OSTC: variants seen among roughly 807,000 people sequenced by gnomAD.
The protein encoded by OSTC is oligosaccharyltransferase complex subunit OSTC.
A neutral mutation model predicts 16.4 loss-of-function variants in OSTC; 16 were observed. That is an observed-to-expected ratio of 0.98 (90% CI 0.66 to 1.49). The LOEUF (loss-of-function observed/expected upper bound fraction) is 1.49, where lower values mean the gene tolerates loss of function less well. Ranked by LOEUF, OSTC falls within the 40% of genes most tolerant of loss-of-function variation. The pLI is 0.00. For missense variants in OSTC, 139 were observed against 186.3 expected (o/e 0.75, Z 1.48); for synonymous variants, 67 against 68.5 (o/e 0.98, Z 0.11).
At chr4:108,660,139 G>C (rs1470489807) in intron 3 of OSTC, among the ~76,000 whole-genome samples, 1 of 152,166 alleles carries the variant, frequency 6.6e-6, no homozygotes, top group East Asian at 1.9e-4. Context: ...AGGCTAGTAT[G>C]TAACACCGTT....
chr4:108,656,826 G>A (rs1004324399), intron 2 of OSTC, among the ~76,000 whole-genome samples: 4 of 152,236 alleles, frequency 2.6e-5, no homozygotes, highest in Admixed American at 6.5e-5. Context: ...TAGACCGGGC[G>A]CAGTGGCTCA....
At chr4:108,650,822 C>T in intron 1 of OSTC, 28 bp downstream of exon 1, 1 of 1,613,808 alleles carries the variant, frequency 6.2e-7, no homozygotes, top group African/African-American at 1.3e-5. Flanking sequence ...GCCCGAGAGG[C>T]TGAGGAGCGG....
chr4:108,652,957 T>C (rs1281652970), intron 1 of OSTC, among the ~76,000 whole-genome samples: 2 of 152,150 alleles, frequency 1.3e-5, no homozygotes, highest in Admixed American at 6.5e-5. Context: ...GAGAATTGCT[T>C]GTACCCGGGA....
At chr4:108,661,598 C>A (rs559168932) in intron 3 of OSTC, among the ~76,000 whole-genome samples, 4 of 152,046 alleles carry the variant, frequency 2.6e-5, no homozygotes, top group Non-Finnish European at 4.4e-5. Context: ...TTTTTCTTTT[C>A]TTTTCTTTTT....
chr4:108,656,163 C>T (rs953963366), intron 2 of OSTC, among the ~76,000 whole-genome samples: 3 of 152,058 alleles, frequency 2.0e-5, no homozygotes, highest in African/African-American at 7.2e-5. Context: ...ATTTTTGAGA[C>T]TTTGAGGGTT....
rs374010582 is a variant in OSTC, at chr4:108,657,485, C to T, written c.269C>T (p.Ser90Phe). 2 of 1,613,530 alleles carry T rather than the reference C, an allele frequency of 1.2e-6. No individual in the cohort carries two copies. The highest frequency in any genetic ancestry group is 1.7e-6 in the Non-Finnish European group (2 of 1,179,586). ...NGQYIMEGLA[S>F]SFLFTMGGLG... ...CAATATATTATGGAAGGACTTGCAT[C>T]CAGCTTCCTATTTACAATGGGAGGT... is the stretch of plus-strand genomic sequence containing the variant. The change falls in exon 3 of 4, where the codon TCC becomes TTC. Residue 90 changes from serine (S) to phenylalanine (F), a missense_variant. Physicochemically the swap from Ser to Phe is radical, Grantham distance 155. Coordinates refer to ENST00000361564, the MANE Select transcript of OSTC (RefSeq NM_021227.4).
intron 1 of OSTC, chr4:108,651,593 C>G (rs1726550500): frequency 6.6e-6 from 1 of 152,174 alleles, no homozygotes; most frequent in South Asian, 2.1e-4. Context: ...GAGCCACTAC[C>G]CTTTCAGGCC....
chr4:108,650,640 C>A lies in OSTC; in HGVS notation c.-16C>A, dbSNP rs541286852. ...CGTGGGGCTTGAGGCCGAGAACGGC[C>A]CTTGCTGCCACCAACATGGAGACTT... On this transcript the variant is annotated 5_prime_UTR_variant, in exon 1 of 4. Coordinates refer to ENST00000361564, the MANE Select transcript of OSTC (RefSeq NM_021227.4). 5 of 1,613,866 alleles carry A rather than the reference C, an allele frequency of 3.1e-6. No homozygotes were observed. In the South Asian group the frequency reaches 5.5e-5, roughly 18 times the overall value.
chr4:108,659,723 C>T (rs1454384551), intron 3 of OSTC, among the ~76,000 whole-genome samples: 3 of 151,948 alleles, frequency 2.0e-5, no homozygotes, highest in Admixed American at 6.6e-5. Flanking sequence ...GAGCCAAGAT[C>T]GTGCCACTGC....
At chr4:108,660,114 C>G (rs1024193973) in intron 3 of OSTC, among the ~76,000 whole-genome samples, 3 of 152,152 alleles carry the variant, frequency 2.0e-5, no homozygotes, top group Admixed American at 2.0e-4. Context: ...ATTTGTCTTC[C>G]TGTCCACATT....
At chr4:108,659,779 AAAG>A (rs1488109606) in intron 3 of OSTC, among the ~76,000 whole-genome samples, 2 of 152,188 alleles carry the variant, frequency 1.3e-5, no homozygotes, top group African/African-American at 4.8e-5. Context: ...AAAAAAAAGA[AAAG>A]AAAAGAAAAG....
chr4:108,662,500 G>A (rs1050370008), intron 3 of OSTC, among the ~76,000 whole-genome samples: 1 of 152,100 alleles, frequency 6.6e-6, no homozygotes, highest in Admixed American at 6.6e-5. Flanking sequence ...TTACATTTCT[G>A]TTATGCATAG....
At chr4:108,659,353 G>GTCT (rs1553929370) in intron 3 of OSTC, among the ~76,000 whole-genome samples, 9 of 47,474 alleles carry the variant, frequency 1.9e-4, no homozygotes, top group African/African-American at 4.0e-4. Context: ...AGGTACTCCA[G>GTCT]CCTCTTATTG....
chr4:108,661,988 A>T (rs758004332), intron 3 of OSTC, among the ~76,000 whole-genome samples: 1 of 152,192 alleles, frequency 6.6e-6, no homozygotes, highest in Non-Finnish European at 1.5e-5. Context: ...TCAATTGGAG[A>T]TGGAGGGATG....
intron 2 of OSTC, among the ~76,000 whole-genome samples, chr4:108,656,004 G>C (rs1012997738): frequency 6.6e-6 from 1 of 151,986 alleles, no homozygotes; most frequent in African/African-American, 2.4e-5. Flanking sequence ...TGTTTTATAT[G>C]ATCTATGGCT....
Position 108,667,388 on chromosome 4 carries a change from C to A in OSTC, c.*123C>A. 3.9e-6 allele frequency: 3 copies of A among 763,346 alleles called. No individual in the cohort carries two copies. Among genetic ancestry groups the A allele is most frequent in the Non-Finnish European group, 4.1e-6 (2 of 486,778 alleles). The allele number at this position is 763,346 out of a possible 1,614,324, so 47.3% of individuals were successfully genotyped here. ...TGAAGAGCAGCAGTAAAAGAAATAT[C>A]TAGTGAAAAAACAGGAAGCGTATTG... On this transcript the variant is annotated 3_prime_UTR_variant, in exon 4 of 4. Coordinates refer to ENST00000361564, the MANE Select transcript of OSTC (RefSeq NM_021227.4).
chr4:108,655,047 TATC>T (rs931458331), intron 1 of OSTC, among the ~76,000 whole-genome samples: 1 of 152,258 alleles, frequency 6.6e-6, no homozygotes, highest in Non-Finnish European at 1.5e-5. Context: ...TTCATTTAGA[TATC>T]ATACAGTTTT....
chr4:108,655,659 T>G lies in OSTC; in HGVS notation c.233+2T>G, dbSNP rs1726681383. On this transcript the variant is annotated splice_donor_variant, in intron 2 of 3. Coordinates refer to ENST00000361564, the MANE Select transcript of OSTC (RefSeq NM_021227.4). LOFTEE classifies it high-confidence loss of function. ...GCCAGTAGCTTTCTTGGCCTACAGG[T>G]AAAAGATACCTTTTTGAATGATTTG... The G allele has an allele frequency of 5.0e-6, 8 of 1,587,172 alleles. No homozygotes were observed. The highest frequency in any genetic ancestry group is 6.9e-6 in the Non-Finnish European group (8 of 1,156,362).
At chr4:108,658,971 C>CTTTTTTTTTTTTTTTTTTT (rs766585998) in intron 3 of OSTC, among the ~76,000 whole-genome samples, 5 of 83,896 alleles carry the variant, frequency 6.0e-5, no homozygotes, top group African/African-American at 2.1e-4. Flanking sequence ...GGCAGCAGCT[C>CTTTTTTTTTTTTTTTTTTT]TTTTTTTTTT....
Sources: allele counts gnomAD v4.1 joint callset (sites outside exome capture counted in the v4.1 genomes callset), GRCh38; gene constraint gnomAD v4.1.1; transcripts MANE v1.5; gene names NCBI Gene and HGNC (gene_info 2026-07-23, HGNC 2026-07-21).